Variants in SHROOM3 observed in about 807,000 individuals in gnomAD.
SHROOM3 encodes shroom family member 3.
Under a neutral mutation model 138.6 loss-of-function variants are expected in SHROOM3, and 47 were observed. The ratio of observed to expected loss-of-function variants is 0.34; its 90% CI spans 0.27 to 0.43. The LOEUF (loss-of-function observed/expected upper bound fraction) is 0.43. SHROOM3 is among the 20% of genes least tolerant of loss of function. The pLI is 1.00. For missense variants in SHROOM3, 2,491 were observed against 2,596.5 expected, an observed-to-expected ratio of 0.96 and a Z score of 0.88; for synonymous variants, 1,062 against 1,063.3, an observed-to-expected ratio of 1.00 and a Z score of 0.02.
intron 2 of SHROOM3, among the ~76,000 whole-genome samples, chr4:76,636,432 C>G (rs1454312382): frequency 6.6e-6 from 1 of 152,146 alleles, no homozygotes; most frequent in Non-Finnish European, 1.5e-5. Context: ...TCAGAAGCAG[C>G]CTTTTACTTC....
At chr4:76,447,467 G>A (rs1730837940) in intron 1 of SHROOM3, among the ~76,000 whole-genome samples, 2 of 152,104 alleles carry the variant, frequency 1.3e-5, no homozygotes, top group South Asian at 4.1e-4. Context: ...CATGGAAACT[G>A]GGAAATGAGC....
intron 2 of SHROOM3, among the ~76,000 whole-genome samples, chr4:76,643,902 T>A (rs1192018737): frequency 6.6e-6 from 1 of 152,180 alleles, no homozygotes; most frequent in Non-Finnish European, 1.5e-5. Flanking sequence ...TGGAGCGTAA[T>A]GGCACGTTCT....
At chr4:76,457,800 T>TC (rs1228987071) in intron 1 of SHROOM3, among the ~76,000 whole-genome samples, 1 of 144,794 alleles carries the variant, frequency 6.9e-6, no homozygotes, top group Non-Finnish European at 1.5e-5. Flanking sequence ...TTTCTTTTCT[T>TC]TTTTTTTTTT....
chr4:76,545,073 C>G (rs1389374627), intron 1 of SHROOM3, among the ~76,000 whole-genome samples: 1 of 152,034 alleles, frequency 6.6e-6, no homozygotes, highest in Non-Finnish European at 1.5e-5. Context: ...TTCAGATTCC[C>G]TCTACTATTT....
chr4:76,666,111 G>A (rs1463902711), intron 2 of SHROOM3, among the ~76,000 whole-genome samples: 1 of 152,236 alleles, frequency 6.6e-6, no homozygotes, highest in Non-Finnish European at 1.5e-5. Context: ...GGGTTAAAGT[G>A]TTGTTGACTT....
chr4:76,518,370 G>T (rs1732488021), intron 1 of SHROOM3, among the ~76,000 whole-genome samples: 1 of 152,148 alleles, frequency 6.6e-6, no homozygotes, highest in Non-Finnish European at 1.5e-5. Flanking sequence ...GTGGTTGAAT[G>T]AGATCATTTT....
intron 1 of SHROOM3, among the ~76,000 whole-genome samples, chr4:76,496,257 C>T (rs943266180): frequency 7.2e-5 from 11 of 152,170 alleles, no homozygotes; most frequent in African/African-American, 2.4e-4. Flanking sequence ...ATGGGCCATC[C>T]TCTTGGACAC....
rs1047726662 is a variant in SHROOM3 at position 76,435,774 on chromosome 4, C to T, written c.-279C>T. 3.2e-6 allele frequency: 1 copy of T among 312,674 alleles called. No individual in the cohort carries two copies. The highest frequency in any genetic ancestry group is 5.8e-6 in the Non-Finnish European group (1 of 170,994). 19.4% of individuals were successfully genotyped at this position (312,674 alleles called of 1,614,324 possible). On this transcript the variant is annotated 5_prime_UTR_variant, in exon 1 of 11. The change creates a new upstream start codon in the 5' untranslated region. Coordinates refer to ENST00000296043, the MANE Select transcript of SHROOM3 (RefSeq NM_020859.4). ...CGCCACTGAAGGAAGTTTTGACGAA[C>T]GGAGTAGAGATGTATACCACTTGGG... is the stretch of plus-strand genomic sequence containing the variant.
At chr4:76,777,335 A>T (rs1447928238) in intron 10 of SHROOM3, among the ~76,000 whole-genome samples, 5 of 152,144 alleles carry the variant, frequency 3.3e-5, no homozygotes, top group African/African-American at 1.2e-4. Context: ...GTATATTCCT[A>T]AGTATTTTAT....
chr4:76,634,612 A>G (rs1166608909), intron 2 of SHROOM3, among the ~76,000 whole-genome samples: 2 of 152,240 alleles, frequency 1.3e-5, no homozygotes, highest in East Asian at 3.8e-4. Flanking sequence ...CATTAGGTTT[A>G]TAATTTATCA....
intron 2 of SHROOM3, among the ~76,000 whole-genome samples, chr4:76,596,464 T>A (rs911647763): frequency 2.6e-5 from 4 of 152,164 alleles, no homozygotes; most frequent in African/African-American, 9.7e-5. Context: ...GTGTAAATAC[T>A]GTCTGTGATG....
intron 1 of SHROOM3, among the ~76,000 whole-genome samples, chr4:76,505,856 G>A (rs1179755769): frequency 1.3e-5 from 2 of 151,880 alleles, no homozygotes; most frequent in South Asian, 4.2e-4. Flanking sequence ...TAGAGATAGG[G>A]TCTCACTATG....
chr4:76,541,623 G>GCACACAAA (rs751594734), intron 1 of SHROOM3, among the ~76,000 whole-genome samples: 1 of 140,042 alleles, frequency 7.1e-6, no homozygotes. Flanking sequence ...ACATATGTGG[G>GCACACAAA]CGCACACACA....
intron 1 of SHROOM3, among the ~76,000 whole-genome samples, chr4:76,474,959 A>T (rs1731455068): frequency 6.6e-6 from 1 of 151,746 alleles, no homozygotes. Flanking sequence ...TGAGAAAGTG[A>T]GGAATGTGAT....
chr4:76,685,665 C>G (rs1719314990), intron 2 of SHROOM3, among the ~76,000 whole-genome samples: 1 of 152,130 alleles, frequency 6.6e-6, no homozygotes, highest in African/African-American at 2.4e-5. Flanking sequence ...TAGACTATTT[C>G]TAAGTAAAAT....
intron 1 of SHROOM3, among the ~76,000 whole-genome samples, chr4:76,486,225 G>A (rs998568054): frequency 2.0e-5 from 3 of 152,178 alleles, no homozygotes; most frequent in Admixed American, 1.3e-4. Context: ...ACAGTAAGTT[G>A]TATATTTAAT....
intron 2 of SHROOM3, among the ~76,000 whole-genome samples, chr4:76,692,857 A>G (rs140620875): frequency 6.6e-6 from 1 of 152,356 alleles, no homozygotes; most frequent in African/African-American, 2.4e-5. Context: ...CTAGAAAGAG[A>G]TAAGAAGGGA....
At chr4:76,654,616 G>A (rs1025012061) in intron 2 of SHROOM3, among the ~76,000 whole-genome samples, 4 of 152,258 alleles carry the variant, frequency 2.6e-5, no homozygotes, top group Admixed American at 2.0e-4. Context: ...AAGAGGTGAT[G>A]AGGGCTTGAC....
At chr4:76,613,267 C>T (rs1734801395) in intron 2 of SHROOM3, among the ~76,000 whole-genome samples, 1 of 152,144 alleles carries the variant, frequency 6.6e-6, no homozygotes, top group South Asian at 2.1e-4. Flanking sequence ...CACTACTGGA[C>T]AAGTCAGTTC....
Sources: allele counts gnomAD v4.1 joint callset (sites outside exome capture counted in the v4.1 genomes callset), GRCh38; gene constraint gnomAD v4.1.1; transcripts MANE v1.5; gene names NCBI Gene and HGNC (gene_info 2026-07-23, HGNC 2026-07-21).